Variants in GLIS3 observed in about 807,000 individuals in gnomAD.
The protein encoded by GLIS3 is GLIS family zinc finger 3.
In GLIS3, 53 loss-of-function variants were observed where a neutral mutation model predicts 78.6. The ratio of observed to expected loss-of-function variants is 0.67; its 90% CI spans 0.54 to 0.85. GLIS3 has a LOEUF of 0.85. GLIS3 is among the 40% of genes least tolerant of loss of function. GLIS3 has a pLI of 0.00. For missense variants in GLIS3, 1,703 were observed against 1,231.1 expected (o/e 1.38, Z -5.74); for synonymous variants, 684 against 509.9 (o/e 1.34, Z -4.60).
At chr9:4,098,958 CAAGT>C (rs1276834349) in intron 4 of GLIS3, among the ~76,000 whole-genome samples, 1 of 152,172 alleles carries the variant, frequency 6.6e-6, no homozygotes, top group African/African-American at 2.4e-5. Context: ...ACACACACTA[CAAGT>C]AAGTCTGAAG....
chr9:4,288,833 C>G (rs1394658769), intron 1 of GLIS3, among the ~76,000 whole-genome samples: 1 of 151,958 alleles, frequency 6.6e-6, no homozygotes, highest in Admixed American at 6.6e-5. Flanking sequence ...AACCAATAGG[C>G]CAATGGCATG....
the GLIS3 span, among the ~76,000 whole-genome samples, chr9:4,358,322 T>C: frequency 8.3e-6 from 1 of 120,878 alleles, no homozygotes; most frequent in Non-Finnish European, 1.9e-5. Flanking sequence ...ACTTTTGTAA[T>C]TTACAAAAAA....
chr9:4,217,749 A>T (rs1299896303), intron 2 of GLIS3, among the ~76,000 whole-genome samples: 1 of 152,172 alleles, frequency 6.6e-6, no homozygotes, highest in Admixed American at 6.5e-5. Flanking sequence ...AGCAAAAATA[A>T]CTCCTCATTT....
intron 2 of GLIS3, among the ~76,000 whole-genome samples, chr9:4,273,422 C>A (rs1386027639): frequency 6.6e-6 from 1 of 151,840 alleles, no homozygotes; most frequent in Non-Finnish European, 1.5e-5. Flanking sequence ...CAGGGAGACC[C>A]CATCTCCACA....
chr9:3,837,625 G>A lies in GLIS3; in HGVS notation c.2474-8133C>T, dbSNP rs138056974. Among the ~76,000 whole-genome samples the A allele has an allele frequency of 3.3e-3, 496 of 152,304 alleles. 5 individuals are homozygous for A. The highest frequency in any genetic ancestry group is 0.011 in the African/African-American group (462 of 41,564). Reference sequence around the variant, plus strand: ...GACCTATTAAGCCATGAAAAGACACGGAGGGAATTTCAATTTAAATGCATA... The same window carrying A: ...GACCTATTAAGCCATGAAAAGACACAGAGGGAATTTCAATTTAAATGCATA... On this transcript the variant is annotated intron_variant, in intron 9 of 10. Transcript: ENST00000381971.
the GLIS3 span, among the ~76,000 whole-genome samples, chr9:4,487,942 T>A: frequency 6.6e-6 from 1 of 152,284 alleles, no homozygotes; most frequent in East Asian, 1.9e-4. Flanking sequence ...TCCTTCTGCC[T>A]CAGCCTCCCA....
chr9:3,995,507 T>C (rs1820673757), intron 4 of GLIS3, among the ~76,000 whole-genome samples: 1 of 151,994 alleles, frequency 6.6e-6, no homozygotes, highest in South Asian at 2.1e-4. Flanking sequence ...TGATCAGCTA[T>C]GTGTAAGTAT....
At chr9:4,327,866 T>C (rs1349107060) in intron 2 of GLIS3, among the ~76,000 whole-genome samples, 2 of 152,320 alleles carry the variant, frequency 1.3e-5, no homozygotes, top group Non-Finnish European at 1.5e-5. Context: ...GTGACCGGTG[T>C]AGCAGAAGCC....
chr9:4,053,755 G>T (rs1467029240), intron 4 of GLIS3, among the ~76,000 whole-genome samples: 2 of 142,240 alleles, frequency 1.4e-5, no homozygotes, highest in Non-Finnish European at 1.5e-5. Context: ...AAAGCCACAT[G>T]AAGAGAAAGG....
intron 2 of GLIS3, among the ~76,000 whole-genome samples, chr9:4,342,716 T>C (rs1233881029): frequency 6.6e-6 from 1 of 152,264 alleles, no homozygotes; most frequent in Non-Finnish European, 1.5e-5. Context: ...ATATTGATTC[T>C]TCCAATCCAT....
chr9:4,065,520 T>A (rs1827023950), intron 4 of GLIS3, among the ~76,000 whole-genome samples: 1 of 152,186 alleles, frequency 6.6e-6, no homozygotes, highest in East Asian at 1.9e-4. Context: ...AATTCCCAAC[T>A]CTTCTGCCTT....
At chr9:3,941,074 C>A (rs1815867677) in intron 4 of GLIS3, among the ~76,000 whole-genome samples, 1 of 152,214 alleles carries the variant, frequency 6.6e-6, no homozygotes, top group African/African-American at 2.4e-5. Flanking sequence ...ACAAGCCCCC[C>A]ATAAGATTCT....
chr9:3,948,720 G>A (rs1816467814), intron 4 of GLIS3, among the ~76,000 whole-genome samples: 1 of 152,092 alleles, frequency 6.6e-6, no homozygotes, highest in Admixed American at 6.5e-5. Flanking sequence ...TAGAGTAGTT[G>A]GCCTTTGCAT....
chr9:4,381,753 A>G, the GLIS3 span, among the ~76,000 whole-genome samples: 2 of 152,176 alleles, frequency 1.3e-5, no homozygotes, highest in African/African-American at 4.8e-5. Context: ...GGGAATCCAC[A>G]AACTCCATTT....
chr9:4,030,190 C>G (rs1823708995), intron 4 of GLIS3, among the ~76,000 whole-genome samples: 1 of 152,122 alleles, frequency 6.6e-6, no homozygotes, highest in Admixed American at 6.6e-5. Context: ...CATTTCTCTG[C>G]TGATCAGTGA....
chr9:4,480,519 T>C, the GLIS3 span, among the ~76,000 whole-genome samples: 4 of 152,134 alleles, frequency 2.6e-5, no homozygotes, highest in African/African-American at 9.7e-5. Flanking sequence ...GATATTCTAA[T>C]GAAGAAATGG....
chr9:3,933,034 A>G (rs767040953), intron 5 of GLIS3: 1 of 249,858 alleles, frequency 4.0e-6, no homozygotes, highest in Non-Finnish European at 8.1e-6. Flanking sequence ...CATTAATAAT[A>G]TTAGTTGCAG....
At chr9:4,322,741 C>A (rs952496319) in intron 2 of GLIS3, among the ~76,000 whole-genome samples, 1 of 152,128 alleles carries the variant, frequency 6.6e-6, no homozygotes, top group African/African-American at 2.4e-5. Flanking sequence ...ATACTTTGCC[C>A]ACTTTTTGAT....
At chr9:4,383,983 G>A in the GLIS3 span, among the ~76,000 whole-genome samples, 1 of 152,144 alleles carries the variant, frequency 6.6e-6, no homozygotes, top group African/African-American at 2.4e-5. Context: ...AATATCCATG[G>A]AACTACCCCC....
Sources: allele counts gnomAD v4.1 joint callset (sites outside exome capture counted in the v4.1 genomes callset), GRCh38; gene constraint gnomAD v4.1.1; transcripts MANE v1.5; gene names NCBI Gene and HGNC (gene_info 2026-07-23, HGNC 2026-07-21).